PCDHA8: variants seen among roughly 807,000 people sequenced by gnomAD.
The protein encoded by PCDHA8 is protocadherin alpha-8.
Under a neutral mutation model 61.8 loss-of-function variants are expected in PCDHA8, and 53 were observed. The observed-to-expected ratio is 0.86, with a 90% CI of 0.69 to 1.08. PCDHA8 has a LOEUF of 1.08. Ranked by LOEUF, PCDHA8 falls within the 50% of genes least tolerant of loss-of-function variation. The pLI, the probability that PCDHA8 is intolerant of heterozygous loss-of-function variation, is 0.00. For synonymous variants in PCDHA8, 618 were observed against 556.6 expected, an observed-to-expected ratio of 1.11 and a Z score of -1.55; for missense variants, 1,293 against 1,245.0, an observed-to-expected ratio of 1.04 and a Z score of -0.58.
intron 1 of PCDHA8, chr5:140,867,818 C>G (rs1319756642): frequency 6.6e-6 from 1 of 152,040 alleles, no homozygotes; most frequent in African/African-American, 2.4e-5. Flanking sequence ...AATTCCATTT[C>G]CACAAGCACT....
rs1554148611 is a variant in PCDHA8, at chr5:140,856,378, C to A, written c.2394+12663C>A. 3 of 1,598,456 alleles carry A rather than the reference C, an allele frequency of 1.9e-6. 1 individual carries two copies. Among genetic ancestry groups the A allele is most frequent in the South Asian group, 2.2e-5 (2 of 90,536 alleles). ...GCATCCACCTGGAGGTGATCGTGGA[C>A]AGGCCGCTGCAGGTTTTCCATGTGG... On this transcript the variant is annotated intron_variant, in intron 1 of 3. Coordinates refer to ENST00000531613, the MANE Select transcript of PCDHA8 (RefSeq NM_018911.3).
intron 1 of PCDHA8, among the ~76,000 whole-genome samples, chr5:140,885,230 T>G (rs2060523657): frequency 6.6e-6 from 1 of 152,166 alleles, no homozygotes; most frequent in Non-Finnish European, 1.5e-5. Flanking sequence ...GTGATTCTGC[T>G]TTCAATTTTT....
Position 140,841,197 on chromosome 5 carries a change from A to G in PCDHA8, c.-125A>G. On this transcript the variant is annotated 5_prime_UTR_variant, in exon 1 of 4. Transcript: ENST00000531613. ...GTCAATGTTCAAAGTCTTTTCTCTG[A>G]CAGCATCTGTCTCTAAAGGCCGAAC... is the stretch of plus-strand genomic sequence containing the variant. 1 of 1,277,430 alleles carries G rather than the reference A, an allele frequency of 7.8e-7. No individual in the cohort carries two copies. Among genetic ancestry groups the G allele is most frequent in the Non-Finnish European group, 1.1e-6 (1 of 928,394 alleles). The allele number at this position is 1,277,430 out of a possible 1,614,324, so 79.1% of individuals were successfully genotyped here.
intron 1 of PCDHA8, chr5:140,871,068 G>GC (rs782196824): frequency 1.2e-6 from 2 of 1,613,112 alleles, no homozygotes; most frequent in African/African-American, 2.7e-5. Flanking sequence ...ATCACGGTGA[G>GC]CCGGCGCTGA....
Position 140,906,278 on chromosome 5 carries a change from C to T in PCDHA8, c.2394+62563C>T, listed in dbSNP as rs546102354. On this transcript the variant is annotated intron_variant, in intron 1 of 3. Coordinates refer to ENST00000531613, the MANE Select transcript of PCDHA8 (RefSeq NM_018911.3). ...ACCTCCTGAAATTATAGATAATCTT[C>T]AAATTAAGACAATAATAAGGTCATA... Among the ~76,000 whole-genome samples the T allele has an allele frequency of 4.6e-5, 7 of 152,270 alleles. No homozygotes were observed. In the South Asian group the frequency reaches 6.2e-4, roughly 14 times the overall value.
At position 140,887,996 on chromosome 5, in the gene PCDHA8, AAT is replaced by A. The variant is rs1258672316; in HGVS notation, c.2394+44283_2394+44284del. 4.6e-5 allele frequency among the ~76,000 whole-genome samples: 7 copies of A among 152,330 alleles called. No individual in the cohort carries two copies. In the East Asian group the frequency reaches 7.7e-4, roughly 17 times the overall value. ...AAATTTATTTTACATGTCTCCACCGAATAGTCATCTTTTTATCTATATGTTTG... is the reference window on the plus strand; with the variant it reads ...AAATTTATTTTACATGTCTCCACCGAAGTCATCTTTTTATCTATATGTTTG... On this transcript the variant is annotated intron_variant, in intron 1 of 3. Coordinates refer to ENST00000531613, the MANE Select transcript of PCDHA8 (RefSeq NM_018911.3).
chr5:140,883,860 T>C, intron 1 of PCDHA8: 2 of 1,613,044 alleles, frequency 1.2e-6, no homozygotes, highest in Non-Finnish European at 1.7e-6. Flanking sequence ...CTGGAGCTGT[T>C]GCAGTTCCAG....
intron 3 of PCDHA8, among the ~76,000 whole-genome samples, chr5:141,003,801 A>T (rs1554259323): frequency 1.3e-5 from 2 of 152,172 alleles, no homozygotes; most frequent in African/African-American, 4.8e-5. Context: ...ATTGGGTTGT[A>T]ATCTGTAGTC....
chr5:140,884,384 G>T (rs782701367), intron 1 of PCDHA8: 1 of 1,613,972 alleles, frequency 6.2e-7, no homozygotes. Flanking sequence ...TGCCATCTGC[G>T]CGGTGTCCAG....
intron 1 of PCDHA8, chr5:140,850,088 A>G (rs2150466412): frequency 3.0e-5 from 48 of 1,596,270 alleles, no homozygotes; most frequent in South Asian, 6.6e-5. Context: ...TGGAGCTGCT[A>G]CAGTTCCAGG....
chr5:140,843,061 G>A lies in PCDHA8; in HGVS notation c.1740G>A (p.Leu580=), dbSNP rs113750272. ...VGGTGGAASK[L]VPRSVGAGHV... ...GCACTGGTGGCGCAGCGAGCAAGCT[G>A]GTGCCGCGGTCTGTGGGCGCGGGCC... The change falls in exon 1 of 4, where the codon CTG becomes CTA. Residue 580 remains leucine, a synonymous_variant. Coordinates refer to ENST00000531613, the MANE Select transcript of PCDHA8 (RefSeq NM_018911.3). 2.1e-3 allele frequency: 3,330 copies of A among 1,595,224 alleles called. 278 individuals are homozygous for A. In the African/African-American group the frequency reaches 0.039, roughly 19 times the overall value.
intron 1 of PCDHA8, among the ~76,000 whole-genome samples, chr5:140,894,786 C>T (rs990092948): frequency 6.6e-6 from 1 of 151,576 alleles, no homozygotes; most frequent in Non-Finnish European, 1.5e-5. Flanking sequence ...AATTATTTGT[C>T]CTCTCCTTTA....
chr5:140,918,955 T>G lies in PCDHA8; in HGVS notation c.2395-59994T>G, dbSNP rs904506594. Among the ~76,000 whole-genome samples, 3 of 152,258 alleles carry G rather than the reference T, an allele frequency of 2.0e-5. 1 individual carries two copies. Among genetic ancestry groups the G allele is most frequent in the African/African-American group, 7.2e-5 (3 of 41,472 alleles). ...TTTTGTTATAATATCCTGAACAGAC[T>G]AAGACAGATATCGTTTAGGTTAGTT... On this transcript the variant is annotated intron_variant, in intron 1 of 3. Transcript: ENST00000531613.
intron 3 of PCDHA8, among the ~76,000 whole-genome samples, chr5:140,999,230 G>A (rs2097851745): frequency 6.6e-6 from 1 of 152,194 alleles, no homozygotes; most frequent in Non-Finnish European, 1.5e-5. Flanking sequence ...TTTGAGAATA[G>A]GTGGTTAAAG....
chr5:140,905,304 C>T (rs1373391378), intron 1 of PCDHA8, among the ~76,000 whole-genome samples: 1 of 152,150 alleles, frequency 6.6e-6, no homozygotes, highest in Non-Finnish European at 1.5e-5. Flanking sequence ...GTCCTTTCCA[C>T]ACTTTGTGTT....
chr5:140,992,017 C>CTGTGTGTG (rs10602499), intron 3 of PCDHA8, among the ~76,000 whole-genome samples: 149 of 145,626 alleles, frequency 1.0e-3, no homozygotes, highest in African/African-American at 2.4e-3. Flanking sequence ...AGAGGTGGCT[C>CTGTGTGTG]TGTGTGTGTG....
intron 1 of PCDHA8, chr5:140,862,170 GC>G (rs2047237372): frequency 6.1e-6 from 1 of 164,918 alleles, no homozygotes; most frequent in Non-Finnish European, 1.3e-5. Flanking sequence ...TCAAATACAG[GC>G]AGTTGACACA....
At chr5:140,929,379 GT>G (rs1554207046) in intron 1 of PCDHA8, 1 of 1,513,346 alleles carries the variant, frequency 6.6e-7, no homozygotes, top group African/African-American at 1.4e-5. Context: ...GCTGCTAGCT[GT>G]GTTTTGAAAT....
chr5:140,861,736 A>G (rs1380894393), intron 1 of PCDHA8: 2 of 188,606 alleles, frequency 1.1e-5, no homozygotes, highest in Non-Finnish European at 1.1e-5. Context: ...TGACTTACAT[A>G]CTGTGCCGCA....
Sources: gnomAD v4.1 joint callset for allele counts (sites outside exome capture counted in the v4.1 genomes callset) on GRCh38, gnomAD v4.1.1 for gene constraint, MANE v1.5 for transcripts, NCBI Gene and HGNC (gene_info 2026-07-23, HGNC 2026-07-21) for gene names.